Variants in CSMD2 observed in about 807,000 individuals in gnomAD.
CSMD2 encodes the protein CUB and Sushi multiple domains 2.
CSMD2 carries 130 observed loss-of-function variants against 398.5 expected under a neutral mutation model. The ratio of observed to expected loss-of-function variants is 0.33; its 90% CI spans 0.28 to 0.38. The LOEUF is 0.38. Ranked by LOEUF, CSMD2 falls within the 10% of genes least tolerant of loss-of-function variation. The pLI, the probability that CSMD2 is intolerant of heterozygous loss-of-function variation, is 1.00. For missense variants in CSMD2, 3,829 were observed against 4,764.9 expected (o/e 0.80, Z 5.78); for synonymous variants, 1,828 against 1,908.5 (o/e 0.96, Z 1.10).
intron 66 of CSMD2, among the ~76,000 whole-genome samples, chr1:33,523,930 AT>A (rs909789353): frequency 1.3e-5 from 2 of 152,218 alleles, no homozygotes; most frequent in African/African-American, 4.8e-5. Context: ...TTATCTATCC[AT>A]CTATTCAACA....
intron 5 of CSMD2, among the ~76,000 whole-genome samples, chr1:33,876,547 C>T (rs913836876): frequency 4.6e-5 from 7 of 152,176 alleles, no homozygotes; most frequent in Non-Finnish European, 8.8e-5. Flanking sequence ...CTAAGTCCCT[C>T]GCATGTATTT....
At chr1:34,140,561 G>C (rs1639200506) in intron 1 of CSMD2, among the ~76,000 whole-genome samples, 2 of 152,140 alleles carry the variant, frequency 1.3e-5, no homozygotes, top group Admixed American at 1.3e-4. Flanking sequence ...GCCAGGCCTA[G>C]GTAAATGCAT....
intron 25 of CSMD2, among the ~76,000 whole-genome samples, chr1:33,686,117 A>G (rs1645055241): frequency 6.6e-6 from 1 of 152,226 alleles, no homozygotes; most frequent in Non-Finnish European, 1.5e-5. Context: ...GACAGTAATA[A>G]CTGATTCAGA....
chr1:33,895,204 G>A lies in CSMD2; in HGVS notation c.920+22890C>T, dbSNP rs192929784. 2.3e-3 allele frequency among the ~76,000 whole-genome samples: 357 copies of A among 152,322 alleles called. 4 individuals carry two copies. Among genetic ancestry groups the A allele is most frequent in the African/African-American group, 8.0e-3 (334 of 41,572 alleles). ...TTATTCCTGATAGCATTGTTTTAAAGCTAAAGAAACCGAGGCTCAGAGAGG... is the reference window on the plus strand; with the variant it reads ...TTATTCCTGATAGCATTGTTTTAAAACTAAAGAAACCGAGGCTCAGAGAGG... On this transcript the variant is annotated intron_variant, in intron 5 of 70. Coordinates refer to ENST00000373381, the MANE Select transcript of CSMD2 (RefSeq NM_001281956.2).
At chr1:33,788,230 G>A (rs930372500) in intron 12 of CSMD2, among the ~76,000 whole-genome samples, 8 of 152,054 alleles carry the variant, frequency 5.3e-5, no homozygotes, top group African/African-American at 1.4e-4. Flanking sequence ...TCCCGTGGCC[G>A]GGCATGGTGG....
At chr1:33,847,104 G>A in intron 5 of CSMD2, 108 bp from the exon 6 acceptor site, 1 of 669,266 alleles carries the variant, frequency 1.5e-6, no homozygotes. Flanking sequence ...CCTCAGCCCA[G>A]CTCTGGAGCA....
intron 3 of CSMD2, among the ~76,000 whole-genome samples, chr1:33,989,433 A>G (rs1404386370): frequency 2.0e-5 from 3 of 152,136 alleles, no homozygotes; most frequent in African/African-American, 4.8e-5. Flanking sequence ...TTTTATGTAA[A>G]CATACACTTA....
At chr1:33,867,504 C>T (rs767900262) in intron 5 of CSMD2, among the ~76,000 whole-genome samples, 9 of 152,176 alleles carry the variant, frequency 5.9e-5, no homozygotes, top group Non-Finnish European at 8.8e-5. Flanking sequence ...ATGTTTAAAC[C>T]ATATGAGTGT....
chr1:33,950,799 T>C (rs970248514), intron 3 of CSMD2, among the ~76,000 whole-genome samples: 26 of 152,214 alleles, frequency 1.7e-4, no homozygotes, highest in African/African-American at 5.5e-4. Context: ...GTCATATGCA[T>C]AGAAGAAGCC....
At chr1:33,629,139 G>A (rs1642314486) in intron 32 of CSMD2, among the ~76,000 whole-genome samples, 1 of 149,344 alleles carries the variant, frequency 6.7e-6, no homozygotes, top group Non-Finnish European at 1.5e-5. Context: ...AACCAGAAAA[G>A]TATAATAACT....
chr1:33,822,177 A>G (rs1658233353), intron 7 of CSMD2, among the ~76,000 whole-genome samples: 1 of 152,178 alleles, frequency 6.6e-6, no homozygotes, highest in Non-Finnish European at 1.5e-5. Flanking sequence ...GCTGAGGACA[A>G]CAAGAGCCTG....
rs529738664 is a variant in CSMD2 at position 33,706,533 on chromosome 1, T to A, written c.3576+2556A>T. On this transcript the variant is annotated intron_variant, in intron 22 of 70. Transcript: ENST00000373381. ...ACAAATTAGGAGCTTTTAAAGTATG[T>A]CTCTGTTCTTCGTTGCCTACAGAGG... Among the ~76,000 whole-genome samples, 271 of 152,354 alleles carry A rather than the reference T, an allele frequency of 1.8e-3. 1 individual carries two copies. Among genetic ancestry groups the A allele is most frequent in the African/African-American group, 6.3e-3 (264 of 41,590 alleles).
At chr1:33,706,696 C>T (rs552732175) in intron 22 of CSMD2, among the ~76,000 whole-genome samples, 1 of 152,226 alleles carries the variant, frequency 6.6e-6, no homozygotes, top group South Asian at 2.1e-4. Flanking sequence ...TCAGCAGTCT[C>T]TAAGGGAGAG....
chr1:33,878,075 G>C (rs540882727), intron 5 of CSMD2: 1 of 152,184 alleles, frequency 6.6e-6, no homozygotes, highest in Non-Finnish European at 1.5e-5. Flanking sequence ...TTGGGACCAA[G>C]CAGAGAGAAG....
At chr1:34,072,599 C>G (rs1378063283) in intron 2 of CSMD2, among the ~76,000 whole-genome samples, 1 of 152,118 alleles carries the variant, frequency 6.6e-6, no homozygotes, top group Non-Finnish European at 1.5e-5. Flanking sequence ...GGCAGCACAG[C>G]CTTTTGGACT....
intron 51 of CSMD2, among the ~76,000 whole-genome samples, chr1:33,570,950 T>A (rs987413857): frequency 2.0e-5 from 3 of 152,184 alleles, no homozygotes; most frequent in African/African-American, 7.2e-5. Flanking sequence ...CTTCTGTAGG[T>A]GGTGTTCTCA....
chr1:33,790,661 GTCTATCTATCTATCTATCTA>G (rs72105736), intron 11 of CSMD2, among the ~76,000 whole-genome samples: 48 of 149,842 alleles, frequency 3.2e-4, no homozygotes, highest in Admixed American at 1.4e-3. Context: ...CTGTTTGTCT[GTCTATCTATCTATCTATCTA>G]TCTATCTATC....
chr1:33,749,842 G>C (rs1215636234), intron 13 of CSMD2, among the ~76,000 whole-genome samples: 3 of 152,210 alleles, frequency 2.0e-5, no homozygotes, highest in South Asian at 4.1e-4. Context: ...ATACTTAGTG[G>C]GTAGGTGGTT....
intron 3 of CSMD2, among the ~76,000 whole-genome samples, chr1:33,952,254 A>G (rs943029429): frequency 2.0e-5 from 3 of 152,222 alleles, no homozygotes; most frequent in African/African-American, 7.2e-5. Flanking sequence ...GTTGAATTTG[A>G]TGGTCCAGTT....
Sources: gnomAD v4.1 joint callset for allele counts (sites outside exome capture counted in the v4.1 genomes callset) on GRCh38, gnomAD v4.1.1 for gene constraint, MANE v1.5 for transcripts, NCBI Gene and HGNC (gene_info 2026-07-23, HGNC 2026-07-21) for gene names.